The following MEIS2 variants were observed in gnomAD, a reference collection of about 807,000 sequenced individuals.
MEIS2 encodes the protein Meis homeobox 2, also known as homeobox protein Meis2.
A neutral mutation model predicts 58.6 loss-of-function variants in MEIS2; 9 were observed. That is an observed-to-expected ratio of 0.15 (90% CI 0.09 to 0.27). MEIS2 has a LOEUF of 0.27. MEIS2 is among the 10% of genes least tolerant of loss of function. The pLI is 1.00. For missense variants in MEIS2, 427 were observed against 635.0 expected (o/e 0.67, Z 3.52); for synonymous variants, 221 against 228.4 (o/e 0.97, Z 0.29).
At chr15:36,913,770 G>A (rs1307471394) in intron 9 of MEIS2, among the ~76,000 whole-genome samples, 1 of 151,526 alleles carries the variant, frequency 6.6e-6, no homozygotes, top group African/African-American at 2.4e-5. Context: ...TTCCTCCTAA[G>A]CACACAGGTC....
At chr15:37,052,137 A>G (rs544024326) in intron 7 of MEIS2, among the ~76,000 whole-genome samples, 7 of 152,338 alleles carry the variant, frequency 4.6e-5, no homozygotes, top group South Asian at 4.1e-4. Context: ...GGAAAACCAC[A>G]TCATTCATGA....
intron 8 of MEIS2, among the ~76,000 whole-genome samples, chr15:37,007,791 C>G (rs913922714): frequency 9.2e-5 from 14 of 152,176 alleles, no homozygotes; most frequent in African/African-American, 3.4e-4. Context: ...GTCCATAAGC[C>G]TTTGCTATGT....
intron 8 of MEIS2, among the ~76,000 whole-genome samples, chr15:37,027,786 T>C (rs1016267641): frequency 2.0e-5 from 3 of 152,156 alleles, no homozygotes; most frequent in Admixed American, 1.3e-4. Flanking sequence ...CTTTATTTTT[T>C]TAGATCAGTT....
chr15:36,950,607 T>C (rs1264829375), intron 8 of MEIS2, among the ~76,000 whole-genome samples: 1 of 152,124 alleles, frequency 6.6e-6, no homozygotes, highest in Non-Finnish European at 1.5e-5. Context: ...TCATACTCTG[T>C]AGGGCCAGCA....
At chr15:36,912,589 C>G (rs1337704457) in intron 9 of MEIS2, among the ~76,000 whole-genome samples, 2 of 152,102 alleles carry the variant, frequency 1.3e-5, no homozygotes, top group African/African-American at 4.8e-5. Flanking sequence ...AAGGGATGGG[C>G]AAGCCACATA....
intron 9 of MEIS2, chr15:36,897,433 C>T (rs1440929895): frequency 6.6e-6 from 1 of 152,172 alleles, no homozygotes; most frequent in African/African-American, 2.4e-5. Context: ...GGCTGAATCG[C>T]AGGAATGCAA....
At chr15:36,997,475 TTC>T (rs1004685886) in intron 8 of MEIS2, among the ~76,000 whole-genome samples, 1 of 141,012 alleles carries the variant, frequency 7.1e-6, no homozygotes, top group African/African-American at 2.6e-5. Flanking sequence ...AATTCTTGAT[TTC>T]TCTCTCTCTC....
chr15:36,901,659 C>T lies in MEIS2; in HGVS notation c.978-4973G>A, dbSNP rs1595681344. Among the ~76,000 whole-genome samples, 3 of 152,260 alleles carry T rather than the reference C, an allele frequency of 2.0e-5. No homozygotes were observed. In the South Asian group the frequency reaches 6.2e-4, roughly 32 times the overall value. On this transcript the variant is annotated intron_variant, in intron 9 of 11. Coordinates refer to ENST00000561208, the MANE Select transcript of MEIS2 (RefSeq NM_170675.5). ...AGATTTGCCTACACCTTTAAAAACA[C>T]ATGAACTAAATACTAATAAATTTAT...
intron 9 of MEIS2, among the ~76,000 whole-genome samples, chr15:36,907,701 T>C (rs2056809095): frequency 6.6e-6 from 1 of 152,230 alleles, no homozygotes; most frequent in Non-Finnish European, 1.5e-5. Context: ...GCTGAGATTT[T>C]AGCACTTTTA....
At chr15:36,996,003 G>GTGTGTA (rs1304023546) in intron 8 of MEIS2, among the ~76,000 whole-genome samples, 2 of 39,910 alleles carry the variant, frequency 5.0e-5, no homozygotes, top group African/African-American at 6.7e-5. Context: ...ATATATATAT[G>GTGTGTA]TATATATATA....
chr15:37,044,841 G>A (rs1448324733), intron 7 of MEIS2, among the ~76,000 whole-genome samples: 3 of 152,120 alleles, frequency 2.0e-5, no homozygotes, highest in African/African-American at 7.2e-5. Context: ...GTGAGCTTTT[G>A]CGTTTCTGAT....
At chr15:37,060,760 G>C (rs1424679328) in intron 7 of MEIS2, among the ~76,000 whole-genome samples, 1 of 152,136 alleles carries the variant, frequency 6.6e-6, no homozygotes, top group South Asian at 2.1e-4. Flanking sequence ...TCTGATGCTT[G>C]GCATTTGGCA....
intron 8 of MEIS2, among the ~76,000 whole-genome samples, chr15:37,010,237 A>G (rs533856561): frequency 2.2e-4 from 34 of 151,338 alleles, no homozygotes; most frequent in African/African-American, 5.4e-4. Context: ...ACAGGCACCC[A>G]CCACCACACC....
At chr15:37,034,437 C>G (rs2062061892) in intron 8 of MEIS2, among the ~76,000 whole-genome samples, 1 of 152,188 alleles carries the variant, frequency 6.6e-6, no homozygotes, top group Non-Finnish European at 1.5e-5. Flanking sequence ...ACAGAGAATT[C>G]TGCACAAAGC....
Position 36,906,652 on chromosome 15 carries a change from A to G in MEIS2, c.978-9966T>C, listed in dbSNP as rs1003784651. Among the ~76,000 whole-genome samples, 4 of 38,516 alleles carry G rather than the reference A, an allele frequency of 1.0e-4. No individual in the cohort carries two copies. In the South Asian group the frequency reaches 2.5e-3, roughly 24 times the overall value. The allele number at this position is 38,516 out of a possible 152,430, so 25.3% of individuals were successfully genotyped here. On this transcript the variant is annotated intron_variant, in intron 9 of 11. Transcript: ENST00000561208. The stretch of plus-strand genomic sequence containing the variant: ...TGACAAAGTATGTCAGCCACTCAAG[A>G]AAAAAAAAAAAAAAAAAAACAAGGA...
chr15:36,986,381 A>G (rs2060093613), intron 8 of MEIS2, among the ~76,000 whole-genome samples: 1 of 152,226 alleles, frequency 6.6e-6, no homozygotes, highest in Non-Finnish European at 1.5e-5. Context: ...AGACACTGCA[A>G]TTAGGGAGCA....
chr15:36,991,279 A>G (rs2060264687), intron 8 of MEIS2, among the ~76,000 whole-genome samples: 1 of 152,028 alleles, frequency 6.6e-6, no homozygotes, highest in Non-Finnish European at 1.5e-5. Flanking sequence ...TGCAAACTCA[A>G]AGGAACACTC....
chr15:36,916,483 G>A (rs1351027405), intron 9 of MEIS2, among the ~76,000 whole-genome samples: 3 of 150,102 alleles, frequency 2.0e-5, no homozygotes, highest in African/African-American at 7.4e-5. Context: ...CCAGGCTGAA[G>A]TGCAGTGGTG....
chr15:36,952,057 A>C (rs1243015039), intron 8 of MEIS2, among the ~76,000 whole-genome samples: 3 of 152,156 alleles, frequency 2.0e-5, no homozygotes, highest in African/African-American at 7.2e-5. Context: ...TGCCACCATG[A>C]CAAATACTCC....
Sources: gnomAD v4.1 joint callset for allele counts (sites outside exome capture counted in the v4.1 genomes callset) on GRCh38, gnomAD v4.1.1 for gene constraint, MANE v1.5 for transcripts, NCBI Gene and HGNC (gene_info 2026-07-23, HGNC 2026-07-21) for gene names.